SRGAP3: variants seen among roughly 807,000 people sequenced by gnomAD.
SRGAP3 encodes the protein SLIT-ROBO Rho GTPase-activating protein 3.
Under a neutral mutation model 121.1 loss-of-function variants are expected in SRGAP3, and 39 were observed. The ratio of observed to expected loss-of-function variants is 0.32; its 90% confidence interval spans 0.25 to 0.42. SRGAP3 has a LOEUF of 0.42. SRGAP3 is among the 10% of genes least tolerant of loss of function. The probability of loss-of-function intolerance (pLI) is 1.00; values close to 1 mark genes in which losing one functional copy is unlikely to be tolerated. For synonymous variants in SRGAP3, 601 were observed against 570.0 expected (o/e 1.05, Z -0.77); for missense variants, 1,213 against 1,470.6 (o/e 0.82, Z 2.86).
intron 3 of SRGAP3, among the ~76,000 whole-genome samples, chr3:9,103,032 C>T (rs1052192098): frequency 1.1e-4 from 17 of 152,108 alleles, no homozygotes; most frequent in African/African-American, 3.9e-4. Context: ...TTCTTTGCAC[C>T]GTATTTACCT....
intron 3 of SRGAP3, among the ~76,000 whole-genome samples, chr3:9,309,735 T>A (rs546901365): frequency 6.6e-6 from 1 of 152,256 alleles, no homozygotes; most frequent in South Asian, 2.1e-4. Flanking sequence ...GGCACAGACC[T>A]GTAGTCCCAG....
chr3:9,209,824 CAT>C (rs1172012138), intron 1 of SRGAP3, among the ~76,000 whole-genome samples: 1 of 152,154 alleles, frequency 6.6e-6, no homozygotes, highest in Non-Finnish European at 1.5e-5. Flanking sequence ...CCTATGTACA[CAT>C]AGAGATTTGC....
intron 1 of SRGAP3, among the ~76,000 whole-genome samples, chr3:9,358,149 C>T (rs2030618730): frequency 1.3e-5 from 2 of 152,148 alleles, no homozygotes; most frequent in African/African-American, 4.8e-5. Flanking sequence ...ATATTCATAA[C>T]AATGTGTGAC....
intron 1 of SRGAP3, among the ~76,000 whole-genome samples, chr3:9,131,548 C>G (rs1949449056): frequency 6.8e-6 from 1 of 147,202 alleles, no homozygotes; most frequent in Admixed American, 7.1e-5. Context: ...AAGTGATTCT[C>G]CCACCTCAGC....
intron 3 of SRGAP3, among the ~76,000 whole-genome samples, chr3:9,259,196 A>C (rs938609651): frequency 1.5e-5 from 2 of 130,036 alleles, no homozygotes; most frequent in Admixed American, 8.4e-5. Context: ...CGACTACTCC[A>C]GCACATTTCC....
chr3:9,226,798 C>T (rs1391988402), intron 1 of SRGAP3, among the ~76,000 whole-genome samples: 1 of 152,170 alleles, frequency 6.6e-6, no homozygotes, highest in African/African-American at 2.4e-5. Context: ...AGATTGTTTT[C>T]AGAGGACCAT....
chr3:9,030,886 T>C (rs1273777265), intron 12 of SRGAP3, among the ~76,000 whole-genome samples: 1 of 152,212 alleles, frequency 6.6e-6, no homozygotes, highest in Non-Finnish European at 1.5e-5. Flanking sequence ...ATTCCCATCT[T>C]TCTCTCAAAG....
At chr3:9,174,577 G>A (rs893550355) in intron 1 of SRGAP3, among the ~76,000 whole-genome samples, 3 of 152,168 alleles carry the variant, frequency 2.0e-5, no homozygotes, top group Admixed American at 1.3e-4. Flanking sequence ...CACTGAAGGC[G>A]TCATATTGAT....
intron 11 of SRGAP3, 93 bp downstream of exon 11, chr3:9,037,970 C>T: frequency 6.5e-7 from 1 of 1,535,754 alleles, no homozygotes; most frequent in Non-Finnish European, 9.0e-7. Context: ...GAAGCCATCC[C>T]TGCTTCTCCA....
chr3:9,129,310 G>A (rs1017330080), intron 1 of SRGAP3, among the ~76,000 whole-genome samples: 4 of 149,352 alleles, frequency 2.7e-5, no homozygotes, highest in African/African-American at 9.9e-5. Context: ...TTTAAAACAT[G>A]GCCAAAATTA....
At chr3:9,076,524 G>C (rs76940894) in intron 4 of SRGAP3, among the ~76,000 whole-genome samples, 1 of 152,118 alleles carries the variant, frequency 6.6e-6, no homozygotes, top group Non-Finnish European at 1.5e-5. Context: ...ATCCAGATCT[G>C]TCTGTGATCA....
At chr3:9,201,612 G>A (rs542128895) in intron 1 of SRGAP3, among the ~76,000 whole-genome samples, 24 of 152,280 alleles carry the variant, frequency 1.6e-4, no homozygotes, top group African/African-American at 5.1e-4. Flanking sequence ...TCCTAACTAG[G>A]GAGTCAGCAG....
At chr3:9,090,569 G>C (rs866548827) in intron 3 of SRGAP3, among the ~76,000 whole-genome samples, 1 of 152,198 alleles carries the variant, frequency 6.6e-6, no homozygotes, top group South Asian at 2.1e-4. Flanking sequence ...TGCTTTTTAG[G>C]GAAAACTCTC....
In SRGAP3 at chr3:9,037,557, C is replaced by T. The variant is rs144180076; in HGVS notation, c.1436+506G>A. On this transcript the variant is annotated intron_variant, in intron 11 of 21. Coordinates refer to ENST00000383836, the MANE Select transcript of SRGAP3 (RefSeq NM_014850.4). ...CGTGAGGTCCAAGCTAGGGTGTGGA[C>T]GGCAGGAGAGTCTGTGCACGCCTAT... is the stretch of plus-strand genomic sequence containing the variant. 413 of 163,006 alleles carry T rather than the reference C, an allele frequency of 2.5e-3. 2 individuals carry two copies. The highest frequency in any genetic ancestry group is 9.4e-3 in the African/African-American group (394 of 41,780). 10.1% of individuals were successfully genotyped at this position (163,006 alleles called of 1,614,324 possible). A position where few individuals can be genotyped will look rare whatever the true frequency, so the allele number is the denominator to read the frequency against.
In SRGAP3 at chr3:8,985,875, T is replaced by A; in HGVS notation, c.2944A>T (p.Asn982Tyr). The A allele has an allele frequency of 6.2e-7, 1 of 1,600,024 alleles. No individual in the cohort carries two copies. The highest frequency in any genetic ancestry group is 2.2e-5 in the East Asian group (1 of 44,858). The change falls in exon 22 of 22, where the codon AAC (asparagine) becomes TAC (tyrosine). Residue 982 changes from asparagine (N) to tyrosine (Y), a missense_variant. This residue lies in a region of SRGAP3 where 420 missense variants were observed against 437.7 expected (regional missense o/e 0.96). Transcript: ENST00000383836. The surrounding 1 kb of genome is among the most constrained non-coding windows in gnomAD (Gnocchi z 5.1). ...ACATCTGGCGCCTGCTTGACCGTGT[T>A]CTGCCTCTCGAGTTCCCGCAACTCG... The part of the protein sequence containing the change: ...LHELRELERQ[N>Y]TVKQAPDVVL...
chr3:9,286,848 T>C (rs35280092), intron 3 of SRGAP3, among the ~76,000 whole-genome samples: 21,444 of 151,318 alleles, frequency 0.14, 1,836 homozygotes, highest in South Asian at 0.19. Flanking sequence ...ATGATCTGCC[T>C]GCCTCAGCCT....
rs190738277 is a variant in SRGAP3 at position 9,242,401 on chromosome 3, G to A, written c.67+6484C>T. On this transcript the variant is annotated intron_variant, in intron 1 of 21. Coordinates refer to ENST00000383836, the MANE Select transcript of SRGAP3 (RefSeq NM_014850.4). The stretch of plus-strand genomic sequence containing the variant: ...TGAAATCCCAGCATTTTGGGAGGCC[G>A]AGGCGGGTGGATCACCTGAGGTTAG... Among the ~76,000 whole-genome samples, 473 of 152,350 alleles carry A rather than the reference G, an allele frequency of 3.1e-3. 1 individual carries two copies. The highest frequency in any genetic ancestry group is 0.011 in the African/African-American group (448 of 41,596).
intron 14 of SRGAP3, among the ~76,000 whole-genome samples, chr3:9,021,992 G>A (rs1000437837): frequency 1.3e-5 from 2 of 152,084 alleles, no homozygotes; most frequent in Non-Finnish European, 2.9e-5. Context: ...GCTGAAGTGG[G>A]AGGATCACCT....
Position 8,983,504 on chromosome 3 carries a change from G to C in SRGAP3, c.*2015C>G, listed in dbSNP as rs1420670224. ...TGACTTAACTAGGTCCCTCCCTTTGGGTGTATTTACCTTTTCGCGGGGGAC... is the reference window on the plus strand; with the variant it reads ...TGACTTAACTAGGTCCCTCCCTTTGCGTGTATTTACCTTTTCGCGGGGGAC... On this transcript the variant is annotated 3_prime_UTR_variant, in exon 22 of 22. Coordinates refer to ENST00000383836, the MANE Select transcript of SRGAP3 (RefSeq NM_014850.4). 3 of 229,732 alleles carry C rather than the reference G, an allele frequency of 1.3e-5. No homozygotes were observed. The highest frequency in any genetic ancestry group is 2.6e-5 in the Non-Finnish European group (3 of 116,020). 14.2% of individuals were successfully genotyped at this position (229,732 alleles called of 1,614,324 possible).
Sources: allele counts gnomAD v4.1 joint callset (sites outside exome capture counted in the v4.1 genomes callset), GRCh38; gene constraint gnomAD v4.1.1; regional missense constraint gnomAD v4.1.1; non-coding constraint Gnocchi (gnomAD v3.1); transcripts MANE v1.5; gene names NCBI Gene and HGNC (gene_info 2026-07-23, HGNC 2026-07-21).